The following ADARB2 variants were observed in gnomAD, a reference collection of about 807,000 sequenced individuals.
ADARB2 encodes adenosine deaminase RNA specific B2 (inactive).
In ADARB2, 25 loss-of-function variants were observed where a neutral mutation model predicts 62.2. The observed-to-expected ratio is 0.40, with a 90% confidence interval of 0.29 to 0.56. The LOEUF (loss-of-function observed/expected upper bound fraction) is 0.56, where lower values mean the gene tolerates loss of function less well. Ranked by LOEUF, ADARB2 falls within the 20% of genes least tolerant of loss-of-function variation. The pLI is 0.43. For synonymous variants in ADARB2, 572 were observed against 500.8 expected (o/e 1.14, Z -1.90); for missense variants, 1,071 against 1,077.4 (o/e 0.99, Z 0.08).
chr10:1,457,471 A>G (rs892159248), intron 1 of ADARB2, among the ~76,000 whole-genome samples: 1 of 152,210 alleles, frequency 6.6e-6, no homozygotes, highest in African/African-American at 2.4e-5. Flanking sequence ...ACCCACACAC[A>G]TAAAAGCGTA....
chr10:1,267,465 G>A (rs369589424), intron 4 of ADARB2, among the ~76,000 whole-genome samples: 3 of 152,236 alleles, frequency 2.0e-5, no homozygotes, highest in African/African-American at 7.2e-5. Flanking sequence ...CACTGGAAGA[G>A]CAGGACGCCG....
At chr10:1,660,406 G>A (rs1834231144) in intron 1 of ADARB2, among the ~76,000 whole-genome samples, 1 of 152,212 alleles carries the variant, frequency 6.6e-6, no homozygotes, top group African/African-American at 2.4e-5. Context: ...CCACCTTTGG[G>A]AAGTTTACAG....
Position 1,184,881 on chromosome 10 carries a change from A to C in ADARB2, c.2023T>G (p.Trp675Gly). The change falls in exon 9 of 10, where the codon TGG (tryptophan) becomes GGG (glycine). Residue 675 changes from tryptophan (W) to glycine (G), a missense_variant. By Grantham distance (184) the Trp-to-Gly change is radical (BLOSUM62 -2). Coordinates refer to ENST00000381312, the MANE Select transcript of ADARB2 (RefSeq NM_018702.4). ...CCTACCCTGCCATACAGCCGCGCCCACCGTGCAGACAGCACGTGCTTGCAG... is the reference window on the plus strand; with the variant it reads ...CCTACCCTGCCATACAGCCGCGCCCCCCGTGCAGACAGCACGTGCTTGCAG... ...RLCKHVLSAR[W>G]ARLYGRLSTR... is the part of the protein sequence containing the mutation. 6.2e-7 allele frequency: 1 copy of C among 1,613,584 alleles called. No homozygotes were observed. Among genetic ancestry groups the C allele is most frequent in the Non-Finnish European group, 8.5e-7 (1 of 1,179,940 alleles).
intron 3 of ADARB2, among the ~76,000 whole-genome samples, chr10:1,301,077 C>A (rs1440544860): frequency 1.3e-5 from 2 of 152,164 alleles, no homozygotes; most frequent in African/African-American, 4.8e-5. Context: ...CACATAAGCA[C>A]TGGTCAGAAA....
rs191181997 is a variant in ADARB2 at position 1,690,216 on chromosome 10, C to T, written c.100+46835G>A. 6.1e-4 allele frequency among the ~76,000 whole-genome samples: 93 copies of T among 152,322 alleles called. 1 individual carries two copies. The highest frequency in any genetic ancestry group is 6.0e-3 in the Admixed American group (92 of 15,300). ...CAGCTTGTTTCTCAGCTCGTAGGAG[C>T]ACATGCTCAGCTGAAGTTTAATGAT... On this transcript the variant is annotated intron_variant, in intron 1 of 9. Coordinates refer to ENST00000381312, the MANE Select transcript of ADARB2 (RefSeq NM_018702.4).
intron 4 of ADARB2, among the ~76,000 whole-genome samples, chr10:1,258,195 C>CT (rs1831098574): frequency 6.6e-6 from 1 of 152,098 alleles, no homozygotes; most frequent in Non-Finnish European, 1.5e-5. Context: ...TTAACCATAG[C>CT]ATGGTTAAGG....
intron 1 of ADARB2, among the ~76,000 whole-genome samples, chr10:1,439,747 CT>C (rs2131894892): frequency 7.8e-6 from 1 of 127,892 alleles, no homozygotes; most frequent in Non-Finnish European, 1.6e-5. Flanking sequence ...GAGGCAGGTC[CT>C]TCATCATGGG....
chr10:1,544,860 C>T (rs1050075835), intron 1 of ADARB2, among the ~76,000 whole-genome samples: 4 of 151,612 alleles, frequency 2.6e-5, no homozygotes, highest in South Asian at 2.1e-4. Context: ...AAACAAAATA[C>T]GTATGGTCTA....
intron 1 of ADARB2, among the ~76,000 whole-genome samples, chr10:1,451,076 T>A (rs552334595): frequency 1.3e-5 from 2 of 152,284 alleles, no homozygotes; most frequent in East Asian, 1.9e-4. Flanking sequence ...AATAACCATG[T>A]CCTCATAGCC....
intron 1 of ADARB2, among the ~76,000 whole-genome samples, chr10:1,721,694 GT>G (rs1388260433): frequency 6.6e-6 from 1 of 152,186 alleles, no homozygotes; most frequent in Admixed American, 6.5e-5. Flanking sequence ...TGGCCTCAGT[GT>G]CACATACAAT....
chr10:1,687,398 T>C (rs1478341613), intron 1 of ADARB2, among the ~76,000 whole-genome samples: 1 of 152,162 alleles, frequency 6.6e-6, no homozygotes, highest in African/African-American at 2.4e-5. Context: ...GTTTCCTGAA[T>C]TGTGAGTCAT....
chr10:1,608,739 G>C lies in ADARB2; in HGVS notation c.100+128312C>G, dbSNP rs572717376. 2.1e-5 allele frequency among the ~76,000 whole-genome samples: 3 copies of C among 144,638 alleles called. No homozygotes were observed. The South Asian group carries it at 6.6e-4, about 32-fold the overall frequency. The allele number at this position is 144,638 out of a possible 152,430, so 94.9% of individuals were successfully genotyped here. ...AGGAAAGAAAAAAGTAAGAAAGAAA[G>C]AGAAGAAAGAAGGAAGGAAGGAAAG... is the stretch of plus-strand genomic sequence containing the variant. On this transcript the variant is annotated intron_variant, in intron 1 of 9. Coordinates refer to ENST00000381312, the MANE Select transcript of ADARB2 (RefSeq NM_018702.4).
chr10:1,216,825 C>T, intron 7 of ADARB2, 126 bp downstream of exon 7: 1 of 1,266,994 alleles, frequency 7.9e-7, no homozygotes, highest in Non-Finnish European at 1.1e-6. Context: ...ACGGCTCAGG[C>T]ACAGGGCCCT....
intron 8 of ADARB2, chr10:1,187,966 A>G (rs780809985): frequency 1.5e-4 from 37 of 240,776 alleles, no homozygotes; most frequent in Non-Finnish European, 2.9e-4. Flanking sequence ...TCTAACTACA[A>G]CAGCCCCGCA....
In ADARB2 at chr10:1,445,102, T is replaced by TATCC. The variant is rs368381647; in HGVS notation, c.101-65946_101-65943dup. Among the ~76,000 whole-genome samples, 796 of 143,410 alleles carry TATCC rather than the reference T, an allele frequency of 5.6e-3. 3 individuals carry two copies. The highest frequency in any genetic ancestry group is 0.018 in the African/African-American group (678 of 38,698). The allele number at this position is 143,410 out of a possible 152,430, so 94.1% of individuals were successfully genotyped here. On this transcript the variant is annotated intron_variant, in intron 1 of 9. Coordinates refer to ENST00000381312, the MANE Select transcript of ADARB2 (RefSeq NM_018702.4). ...TCATCCATCCACCCACCCACCCATC[T>TATCC]ATCCATCCATCCATCCATCCATCCA...
chr10:1,596,506 C>A (rs1833337331), intron 1 of ADARB2, among the ~76,000 whole-genome samples: 1 of 152,210 alleles, frequency 6.6e-6, no homozygotes, highest in African/African-American at 2.4e-5. Context: ...TCACGTGCAA[C>A]CCCCTGCACT....
In ADARB2 at chr10:1,704,630, G is replaced by A. The variant is rs983461513; in HGVS notation, c.100+32421C>T. ...ACCAGTACCAGTCCTTGGCCCGGGGGCTGGAGACGTCTGAGTTAAAGCATC... is the reference window on the plus strand; with the variant it reads ...ACCAGTACCAGTCCTTGGCCCGGGGACTGGAGACGTCTGAGTTAAAGCATC... On this transcript the variant is annotated intron_variant, in intron 1 of 9. Transcript: ENST00000381312. The surrounding 1 kb of genome is among the most constrained non-coding windows in gnomAD (Gnocchi z 5.6). Among the ~76,000 whole-genome samples, 23 of 152,210 alleles carry A rather than the reference G, an allele frequency of 1.5e-4. No individual in the cohort carries two copies. The East Asian group carries it at 3.1e-3, about 20-fold the overall frequency.
At chr10:1,441,666 A>G (rs1830908570) in intron 1 of ADARB2, among the ~76,000 whole-genome samples, 1 of 152,194 alleles carries the variant, frequency 6.6e-6, no homozygotes, top group Admixed American at 6.5e-5. Flanking sequence ...TTTTTCTGTG[A>G]CAATCTATTA....
intron 3 of ADARB2, among the ~76,000 whole-genome samples, chr10:1,286,156 G>A (rs1831411798): frequency 6.6e-6 from 1 of 152,064 alleles, no homozygotes; most frequent in Admixed American, 6.5e-5. Flanking sequence ...AGGGACGCAG[G>A]GCCAGAGTCC....
Sources: allele counts gnomAD v4.1 joint callset (sites outside exome capture counted in the v4.1 genomes callset), GRCh38; gene constraint gnomAD v4.1.1; non-coding constraint Gnocchi (gnomAD v3.1); transcripts MANE v1.5; gene names NCBI Gene and HGNC (gene_info 2026-07-23, HGNC 2026-07-21).